ZSCAN5A: variants seen among roughly 807,000 people sequenced by gnomAD.
ZSCAN5A encodes zinc finger and SCAN domain containing 5A.
Under a neutral mutation model 23.7 loss-of-function variants are expected in ZSCAN5A, and 12 were observed. The ratio of observed to expected loss-of-function variants is 0.51; its 90% CI spans 0.32 to 0.82. ZSCAN5A has a LOEUF of 0.82. Ranked by LOEUF, ZSCAN5A falls within the 40% of genes least tolerant of loss-of-function variation. The pLI is 0.03. For synonymous variants in ZSCAN5A, 257 were observed against 239.9 expected (o/e 1.07, Z -0.66); for missense variants, 597 against 617.9 (o/e 0.97, Z 0.36).
chr19:56,363,419 G>A (rs906041857), intron 1 of ZSCAN5A: 4 of 152,186 alleles, frequency 2.6e-5, no homozygotes, highest in African/African-American at 4.8e-5. Flanking sequence ...AGAGCCAGTG[G>A]AGTATTGCTA....
intron 2 of ZSCAN5A, among the ~76,000 whole-genome samples, chr19:56,252,876 C>G (rs913149014): frequency 6.6e-6 from 1 of 152,130 alleles, no homozygotes; most frequent in African/African-American, 2.4e-5. Flanking sequence ...GAGCTGGGGT[C>G]GTGAACACGC....
chr19:56,243,988 C>A (rs1000964464), intron 2 of ZSCAN5A: 1 of 667,430 alleles, frequency 1.5e-6, no homozygotes. Flanking sequence ...CTCAATTAGA[C>A]ACCAGCTACT....
chr19:56,321,046 T>A, intron 2 of ZSCAN5A: 1 of 705,752 alleles, frequency 1.4e-6, no homozygotes, highest in South Asian at 1.4e-5. Flanking sequence ...CTCACTGACA[T>A]GGACAACATG....
At chr19:56,321,722 T>C (rs932787897) in intron 2 of ZSCAN5A, 14 of 1,409,804 alleles carry the variant, frequency 9.9e-6, no homozygotes, top group South Asian at 2.3e-5. Flanking sequence ...GGCTCTTGAT[T>C]TGCTGAGGAC....
At chr19:56,301,594 G>T (rs1217369136) in intron 2 of ZSCAN5A, among the ~76,000 whole-genome samples, 1 of 152,110 alleles carries the variant, frequency 6.6e-6, no homozygotes, top group African/African-American at 2.4e-5. Flanking sequence ...GACTAAGAAT[G>T]CCTTAACCTA....
At chr19:56,309,138 G>C (rs891071533) in intron 2 of ZSCAN5A, among the ~76,000 whole-genome samples, 1 of 152,216 alleles carries the variant, frequency 6.6e-6, no homozygotes. Flanking sequence ...ATGGGGTCCT[G>C]GCACGTGCAA....
intron 2 of ZSCAN5A, among the ~76,000 whole-genome samples, chr19:56,345,786 GA>G (rs34560378): frequency 1.3e-5 from 2 of 152,068 alleles, no homozygotes; most frequent in East Asian, 1.9e-4. Context: ...AGTGCACTTA[GA>G]AAAAAAATTT....
In ZSCAN5A at chr19:56,246,387, C is replaced by T. The variant is rs767976345; in HGVS notation, c.-127-21214G>A. ...CAAAGGCTCTGAGACCCAAGCCAAC[C>T]TTGGAGAAGGATCTGAACGTAGACA... is the stretch of plus-strand genomic sequence containing the variant. On this transcript the variant is annotated intron_variant, in intron 2 of 5. Transcript: ENST00000683990. 1.1e-5 allele frequency: 6 copies of T among 555,546 alleles called. No individual in the cohort carries two copies. The South Asian group carries it at 1.1e-4, about 10-fold the overall frequency. 34.4% of individuals were successfully genotyped at this position (555,546 alleles called of 1,614,324 possible).
intron 2 of ZSCAN5A, among the ~76,000 whole-genome samples, chr19:56,267,679 G>A (rs1450916120): frequency 2.0e-5 from 3 of 152,132 alleles, no homozygotes; most frequent in African/African-American, 4.8e-5. Context: ...ACTTAGCTTC[G>A]AATCCCAGTC....
chr19:56,228,434 T>G (rs545670387), intron 2 of ZSCAN5A: 2 of 985,314 alleles, frequency 2.0e-6, no homozygotes, highest in East Asian at 2.3e-4. Context: ...TTGATTATGG[T>G]TCCCACTGAA....
intron 1 of ZSCAN5A, chr19:56,367,322 A>G (rs1437996050): frequency 6.6e-6 from 1 of 152,250 alleles, no homozygotes; most frequent in Non-Finnish European, 1.5e-5. Flanking sequence ...TGATGGTGCC[A>G]CTGCACTTCA....
At chr19:56,230,519 G>C (rs1430033271) in intron 2 of ZSCAN5A, among the ~76,000 whole-genome samples, 1 of 151,844 alleles carries the variant, frequency 6.6e-6, no homozygotes, top group Non-Finnish European at 1.5e-5. Context: ...CTTCTTATTA[G>C]TTATTTAACT....
At chr19:56,289,531 T>A (rs1309522402) in intron 2 of ZSCAN5A, among the ~76,000 whole-genome samples, 1 of 152,226 alleles carries the variant, frequency 6.6e-6, no homozygotes, top group Non-Finnish European at 1.5e-5. Flanking sequence ...GACTTGTCCA[T>A]CTTTTAGTAC....
chr19:56,320,268 A>G lies in ZSCAN5A; in HGVS notation c.-357-4000T>C, dbSNP rs1384808959. 7 of 477,090 alleles carry G rather than the reference A, an allele frequency of 1.5e-5. No individual in the cohort carries two copies. The East Asian group carries it at 3.4e-4, about 23-fold the overall frequency. 29.6% of individuals were successfully genotyped at this position (477,090 alleles called of 1,614,324 possible). On this transcript the variant is annotated intron_variant, in intron 2 of 6. Transcript: ENST00000587340. ...GAGTAGGGCTTGCTCTGCTGCCCGGACATTTAGAAAGGCCAGGCGAGGCTG... is the reference window on the plus strand; with the variant it reads ...GAGTAGGGCTTGCTCTGCTGCCCGGGCATTTAGAAAGGCCAGGCGAGGCTG...
intron 2 of ZSCAN5A, among the ~76,000 whole-genome samples, chr19:56,359,828 A>G (rs879168998): frequency 6.6e-6 from 1 of 152,224 alleles, no homozygotes; most frequent in African/African-American, 2.4e-5. Context: ...GACAAAAAAC[A>G]CAACACTATC....
intron 2 of ZSCAN5A, among the ~76,000 whole-genome samples, chr19:56,289,024 G>A (rs2039333474): frequency 1.3e-5 from 2 of 152,196 alleles, no homozygotes; most frequent in South Asian, 2.1e-4. Flanking sequence ...CTGGCATCAG[G>A]AGCATCATCA....
chr19:56,275,219 C>T (rs1600155078), intron 2 of ZSCAN5A, among the ~76,000 whole-genome samples: 1 of 152,248 alleles, frequency 6.6e-6, no homozygotes, highest in Middle Eastern at 3.4e-3. Flanking sequence ...TATGCGAATA[C>T]CCTGTTCTCC....
At chr19:56,230,631 G>GTGTA in intron 2 of ZSCAN5A, among the ~76,000 whole-genome samples, 1 of 107,026 alleles carries the variant, frequency 9.3e-6, no homozygotes, top group Admixed American at 9.9e-5. Flanking sequence ...GTGTGTGTGT[G>GTGTA]TGTGTGTGTG....
chr19:56,321,874 G>A (rs1417364753), intron 2 of ZSCAN5A: 1 of 808,846 alleles, frequency 1.2e-6, no homozygotes, highest in African/African-American at 1.7e-5. Context: ...TTTCTGGCAG[G>A]TTGGCACGCT....
Sources: allele counts gnomAD v4.1 joint callset (sites outside exome capture counted in the v4.1 genomes callset), GRCh38; gene constraint gnomAD v4.1.1; transcripts MANE v1.5; gene names NCBI Gene and HGNC (gene_info 2026-07-23, HGNC 2026-07-21).